ZNF853: variants seen among roughly 807,000 people sequenced by gnomAD.
ZNF853 encodes the protein zinc finger protein 853.
Under a neutral mutation model 94.7 loss-of-function variants are expected in ZNF853, and 57 were observed. The ratio of observed to expected loss-of-function variants is 0.60; its 90% confidence interval spans 0.49 to 0.75. The LOEUF (loss-of-function observed/expected upper bound fraction) is 0.75. Among genes scored for constraint, ZNF853 ranks in the 30% least tolerant of loss-of-function variants. ZNF853 has a pLI of 0.00. For synonymous variants in ZNF853, 448 were observed against 406.3 expected, an observed-to-expected ratio of 1.10 and a Z score of -1.23; for missense variants, 785 against 868.9, an observed-to-expected ratio of 0.90 and a Z score of 1.21.
In ZNF853 at chr7:6,623,031, G is replaced by A; in HGVS notation, c.*60G>A. The A allele has an allele frequency of 2.4e-6, 3 of 1,232,916 alleles. No homozygotes were observed. The highest frequency in any genetic ancestry group is 3.0e-6 in the Non-Finnish European group (3 of 988,084). The allele number at this position is 1,232,916 out of a possible 1,614,324, so 76.4% of individuals were successfully genotyped here. On this transcript the variant is annotated 3_prime_UTR_variant, in exon 3 of 3. Transcript: ENST00000457543. ...CCCCCCACCCGCCTCCACCTGAAAA[G>A]CTCCTTGACCCGGGTTCATGGGCGC...
chr7:6,623,628 G>A lies in ZNF853; in HGVS notation c.*657G>A, dbSNP rs1782689325. The stretch of plus-strand genomic sequence containing the variant: ...AAGCCAGGAAGTCCTGCTCCGGGTG[G>A]AAGGTAAAACCTTCCCTCCAGGGAA... On this transcript the variant is annotated 3_prime_UTR_variant, in exon 3 of 3. Coordinates refer to ENST00000457543, the MANE Select transcript of ZNF853 (RefSeq NM_017560.3). 4 of 319,518 alleles carry A rather than the reference G, an allele frequency of 1.3e-5. 1 individual carries two copies. In the South Asian group the frequency reaches 6.3e-4, roughly 51 times the overall value. 19.8% of individuals were successfully genotyped at this position (319,518 alleles called of 1,614,324 possible). A position where few individuals can be genotyped will look rare whatever the true frequency, so the allele number is the denominator to read the frequency against.
Position 6,621,113 on chromosome 7 carries a change from C to G in ZNF853, c.131-9C>G. ...TTTCTCTCTTGGCTTCCTGCCATTTCTTCCACAGGTGGCAGCGGTGGGAGC... is the reference window on the plus strand; with the variant it reads ...TTTCTCTCTTGGCTTCCTGCCATTTGTTCCACAGGTGGCAGCGGTGGGAGC... On this transcript the variant is annotated splice_polypyrimidine_tract_variant and intron_variant, in intron 2 of 2. Coordinates refer to ENST00000457543, the MANE Select transcript of ZNF853 (RefSeq NM_017560.3). 6.8e-7 allele frequency: 1 copy of G among 1,462,576 alleles called. No homozygotes were observed. 90.6% of individuals were successfully genotyped at this position (1,462,576 alleles called of 1,614,324 possible).
intron 2 of ZNF853, among the ~76,000 whole-genome samples, chr7:6,618,831 A>C: frequency 1.3e-5 from 2 of 152,250 alleles, no homozygotes; most frequent in East Asian, 3.9e-4. Flanking sequence ...CATTCCTCCC[A>C]GAAGAGGTGG....
chr7:6,622,257 C>T lies in ZNF853; in HGVS notation c.1266C>T (p.Gly422=), dbSNP rs1218802152. 125 of 1,512,998 alleles carry T rather than the reference C, an allele frequency of 8.3e-5. No individual in the cohort carries two copies. Among genetic ancestry groups the T allele is most frequent in the Non-Finnish European group, 1.0e-4 (118 of 1,135,586 alleles). 93.7% of individuals were successfully genotyped at this position (1,512,998 alleles called of 1,614,324 possible). A position where few individuals can be genotyped will look rare whatever the true frequency, so the allele number is the denominator to read the frequency against. Reference sequence around the variant, plus strand: ...AACTGGTGCCAGCCGCAGGGGGCGGCGGAGCGGCGGTCCCGGGGGCTCCGG... The same window carrying T: ...AACTGGTGCCAGCCGCAGGGGGCGGTGGAGCGGCGGTCCCGGGGGCTCCGG... The part of the protein sequence containing the change: ...QLELVPAAGG[G]GAAVPGAPAA... Residue 422 remains glycine, a synonymous_variant, in exon 3 of 3, where the codon GGC becomes GGT. Transcript: ENST00000457543.
intron 2 of ZNF853, chr7:6,617,546 G>A: frequency 3.1e-6 from 3 of 970,542 alleles, no homozygotes; most frequent in South Asian, 4.8e-5. Flanking sequence ...ACACTCACAC[G>A]CGCTGCTGGC....
chr7:6,622,403 C>G lies in ZNF853; in HGVS notation c.1412C>G (p.Pro471Arg). 1.4e-6 allele frequency: 2 copies of G among 1,406,638 alleles called. No homozygotes were observed. The highest frequency in any genetic ancestry group is 1.8e-6 in the Non-Finnish European group (2 of 1,088,920). The allele number at this position is 1,406,638 out of a possible 1,614,324, so 87.1% of individuals were successfully genotyped here. ...CCGGCAGGCAGCGCGGCGTTGACCC[C>G]TGCACGGCAGCGGCGGCGGCGGCGC... ...PGPAGSAALT[P>R]ARQRRRRRAR... The change falls in exon 3 of 3, where the codon CCT becomes CGT. Residue 471 changes from proline (P) to arginine (R), a missense_variant. Transcript: ENST00000457543.
chr7:6,622,239 G>A lies in ZNF853; in HGVS notation c.1248G>A (p.Val416=). Residue 416 remains valine (V), a synonymous_variant, in exon 3 of 3, where the codon GTG becomes GTA. Coordinates refer to ENST00000457543, the MANE Select transcript of ZNF853 (RefSeq NM_017560.3). ...AGCCGGAGCTGCAGCTGGAACTGGTGCCAGCCGCAGGGGGCGGCGGAGCGG... is the reference window on the plus strand; with the variant it reads ...AGCCGGAGCTGCAGCTGGAACTGGTACCAGCCGCAGGGGGCGGCGGAGCGG... ...PVQPELQLEL[V]PAAGGGGAAV... 2 of 1,527,986 alleles carry A rather than the reference G, an allele frequency of 1.3e-6. No homozygotes were observed. Among genetic ancestry groups the A allele is most frequent in the South Asian group, 2.4e-5 (2 of 82,950 alleles). 94.7% of individuals were successfully genotyped at this position (1,527,986 alleles called of 1,614,324 possible).
intron 2 of ZNF853, among the ~76,000 whole-genome samples, chr7:6,618,603 G>A: frequency 1.3e-5 from 2 of 152,146 alleles, no homozygotes; most frequent in African/African-American, 2.4e-5. Flanking sequence ...CCAGCCACTT[G>A]AGAGGCTGAG....
intron 2 of ZNF853, chr7:6,617,793 T>G: frequency 7.3e-6 from 2 of 275,794 alleles, no homozygotes; most frequent in African/African-American, 4.6e-5. Flanking sequence ...CTCTACCTGA[T>G]GCCCAGGGGC....
chr7:6,622,113 G>C lies in ZNF853; in HGVS notation c.1122G>C (p.Gln374His). The C allele has an allele frequency of 6.5e-7, 1 of 1,545,472 alleles. No homozygotes were observed. Among genetic ancestry groups the C allele is most frequent in the South Asian group, 1.2e-5 (1 of 83,790 alleles). The change falls in exon 3 of 3, where the codon CAG (glutamine) becomes CAC (histidine). Residue 374 changes from glutamine to histidine, a missense_variant. Transcript: ENST00000457543. ...AGCAGCTGGAGCAACAGCTGGAGCA[G>C]CAGCAGCAGCAGCTGGAGCAGCAGG... is the stretch of plus-strand genomic sequence containing the variant. ...ELQQLEQQLE[Q>H]QQQQLEQQEV...
In ZNF853 at chr7:6,621,895, T is replaced by TTGCAGCAGCAACAAC. The variant is rs1397078542; in HGVS notation, c.911_925dup (p.Gln304_Gln308dup). 2.6e-6 allele frequency: 4 copies of TTGCAGCAGCAACAAC among 1,550,702 alleles called. No individual in the cohort carries two copies. The highest frequency in any genetic ancestry group is 2.4e-5 in the East Asian group (1 of 40,926). ...GCTGTTGCAACAGCAGCAGGAACAA[T>TTGCAGCAGCAACAAC]TGCAGCAGCAACAACTGCAGCCTCC... On this transcript the variant is annotated inframe_insertion, in exon 3 of 3. Coordinates refer to ENST00000457543, the MANE Select transcript of ZNF853 (RefSeq NM_017560.3).
chr7:6,617,042 G>T, intron 1 of ZNF853, 148 bp from the exon 2 acceptor site: 2 of 529,330 alleles, frequency 3.8e-6, no homozygotes, highest in South Asian at 5.6e-5. Context: ...CCCCGTTGCG[G>T]GGGACAGTCC....
chr7:6,617,631 A>C (rs1026554645), intron 2 of ZNF853: 2 of 985,244 alleles, frequency 2.0e-6, no homozygotes, highest in African/African-American at 3.5e-5. Context: ...CTCCTGAGTC[A>C]ATTTCCACTC....
intron 2 of ZNF853, among the ~76,000 whole-genome samples, chr7:6,620,606 T>TTCCC: frequency 1.4e-5 from 2 of 140,782 alleles, no homozygotes; most frequent in South Asian, 2.4e-4. Flanking sequence ...TCTTCCTTTC[T>TTCCC]TTCTCTCTCT....
intron 1 of ZNF853, among the ~76,000 whole-genome samples, chr7:6,616,690 G>T: frequency 1.3e-5 from 2 of 150,806 alleles, no homozygotes; most frequent in Non-Finnish European, 2.9e-5. Context: ...AGTCCAGATC[G>T]CACCACTGCA....
At position 6,622,669 on chromosome 7, in the gene ZNF853, C is replaced by A; in HGVS notation, c.1678C>A (p.Gln560Lys). 6.3e-7 allele frequency: 1 copy of A among 1,578,986 alleles called. No individual in the cohort carries two copies. Among genetic ancestry groups the A allele is most frequent in the Non-Finnish European group, 8.6e-7 (1 of 1,163,846 alleles). ...CGAGAGCTCGGCGCTCGTGCAGCAC[C>A]AGCGCACGCACACCGGGGAGCGACC... is the stretch of plus-strand genomic sequence containing the variant. ...FSESSALVQH[Q>K]RTHTGERPYA... The change falls in exon 3 of 3, where the codon CAG becomes AAG. Residue 560 changes from glutamine to lysine, a missense_variant. Coordinates refer to ENST00000457543, the MANE Select transcript of ZNF853 (RefSeq NM_017560.3).
At position 6,623,127 on chromosome 7, in the gene ZNF853, C is replaced by A; in HGVS notation, c.*156C>A. ...ATCATCATCATCATCTTCCGGATTC[C>A]CTGAGAAAATACCAGGTTCACAGAT... On this transcript the variant is annotated 3_prime_UTR_variant, in exon 3 of 3. Coordinates refer to ENST00000457543, the MANE Select transcript of ZNF853 (RefSeq NM_017560.3). The A allele has an allele frequency of 1.6e-6, 1 of 638,294 alleles. No individual in the cohort carries two copies. The highest frequency in any genetic ancestry group is 2.2e-6 in the Non-Finnish European group (1 of 445,126). 39.5% of individuals were successfully genotyped at this position (638,294 alleles called of 1,614,324 possible).
At position 6,622,158 on chromosome 7, in the gene ZNF853, C is replaced by A; in HGVS notation, c.1167C>A (p.Thr389=). The A allele has an allele frequency of 1.3e-6, 2 of 1,542,564 alleles. No individual in the cohort carries two copies. The highest frequency in any genetic ancestry group is 1.7e-6 in the Non-Finnish European group (2 of 1,146,456). ...AGCAGGAGGTGCAGCTGGAGCTGAC[C>A]CCGGTGGAGCTAGGCGCCCAGCAGC... ...LEQQEVQLEL[T]PVELGAQQQE... The change falls in exon 3 of 3, where the codon ACC becomes ACA. Residue 389 remains threonine (T), a synonymous_variant. Transcript: ENST00000457543.
Position 6,622,965 on chromosome 7 carries a change from G to A in ZNF853, c.1974G>A (p.Ala658=). The change falls in exon 3 of 3, where the codon GCG becomes GCA. Residue 658 remains alanine, a synonymous_variant. Coordinates refer to ENST00000457543, the MANE Select transcript of ZNF853 (RefSeq NM_017560.3). ...CAGCCACTGCGCCCGCAGACAAGGC[G>A]CTGTGAGGGCCGTGATCGGGGCTGC... ...AATATAPADK[A]L The A allele has an allele frequency of 8.0e-7, 1 of 1,249,040 alleles. No individual in the cohort carries two copies. The highest frequency in any genetic ancestry group is 1.0e-6 in the Non-Finnish European group (1 of 998,486). The allele number at this position is 1,249,040 out of a possible 1,614,324, so 77.4% of individuals were successfully genotyped here.
Sources: allele counts gnomAD v4.1 joint callset (sites outside exome capture counted in the v4.1 genomes callset), GRCh38; gene constraint gnomAD v4.1.1; transcripts MANE v1.5; gene names NCBI Gene and HGNC (gene_info 2026-07-23, HGNC 2026-07-21).